The following PLA2G4B variants were observed in gnomAD, a reference collection of about 807,000 sequenced individuals.
The protein encoded by PLA2G4B is phospholipase A2 group IVB, also known as cytosolic phospholipase A2 beta.
PLA2G4B carries 122 observed loss-of-function variants against 95.8 expected under a neutral mutation model. That is an observed-to-expected ratio of 1.27 (90% CI 1.10 to 1.48). PLA2G4B has a LOEUF of 1.48. Ranked by LOEUF, PLA2G4B falls within the 40% of genes most tolerant of loss-of-function variation. The pLI, the probability that PLA2G4B is intolerant of heterozygous loss-of-function variation, is 0.00. For synonymous variants in PLA2G4B, 518 were observed against 421.5 expected (o/e 1.23, Z -2.80); for missense variants, 1,158 against 996.2 (o/e 1.16, Z -2.19).
At chr15:41,845,515 C>G (rs1439964310) in intron 14 of PLA2G4B, 123 bp from the exon 15 acceptor site, 1 of 1,509,082 alleles carries the variant, frequency 6.6e-7, no homozygotes, top group Non-Finnish European at 8.8e-7. Flanking sequence ...ATGCACGAAG[C>G]CCAGGCCACA....
rs1428465782 is a variant in PLA2G4B, at chr15:41,840,895, T to G, written c.341T>G (p.Leu114Arg). The part of the protein sequence containing the change: ...AGEFRRESFS[L>R]SPQGEGRLEV... ...GAGTTCCGGCGCGAGAGCTTCTCAC[T>G]GAGCCCTCAGGCAAGGCGGTGTTTC... The change falls in exon 4 of 20, where the codon CTG becomes CGG. Residue 114 changes from leucine (L) to arginine (R), a missense_variant. Physicochemically the swap from Leu to Arg is moderately radical, Grantham distance 102 (BLOSUM62 -2). Coordinates refer to ENST00000458483, the MANE Select transcript of PLA2G4B (RefSeq NM_001114633.2). 2 of 1,613,152 alleles carry G rather than the reference T, an allele frequency of 1.2e-6. No individual in the cohort carries two copies. The highest frequency in any genetic ancestry group is 1.7e-5 in the Admixed American group (1 of 59,982).
intron 1 of PLA2G4B, chr15:41,839,767 A>G (rs57498313): frequency 0.21 from 42,953 of 202,282 alleles, 5,220 homozygotes; most frequent in African/African-American, 0.33. Flanking sequence ...AGGTGGAAGC[A>G]GGTCTGTGTG....
At position 41,844,501 on chromosome 15, in the gene PLA2G4B, G is replaced by T; in HGVS notation, c.910G>T (p.Gly304Cys). The T allele has an allele frequency of 6.2e-7, 1 of 1,614,164 alleles. No homozygotes were observed. The highest frequency in any genetic ancestry group is 8.5e-7 in the Non-Finnish European group (1 of 1,180,026). The change falls in exon 12 of 20, where the codon GGT (glycine) becomes TGT (cysteine). Residue 304 changes from glycine to cysteine, a missense_variant. By Grantham distance (159) the Gly-to-Cys change is radical. Coordinates refer to ENST00000458483, the MANE Select transcript of PLA2G4B (RefSeq NM_001114633.2). The stretch of plus-strand genomic sequence containing the variant: ...AGTGGTAGCTATTATGGCCACTGGT[G>T]GTGGGATCCGGGCAATGACTTCCCT... ...IPVVAIMATG[G>C]GIRAMTSLYG...
chr15:41,845,594 C>T (rs762445175), intron 14 of PLA2G4B, 44 bp from the exon 15 acceptor site: 3 of 1,611,356 alleles, frequency 1.9e-6, no homozygotes, highest in Non-Finnish European at 2.5e-6. Context: ...GTGTGGGTGC[C>T]TAAGGGCTCT....
chr15:41,848,027 G>C lies in PLA2G4B; in HGVS notation c.*167G>C. On this transcript the variant is annotated 3_prime_UTR_variant, in exon 20 of 20. Transcript: ENST00000458483. ...CTTGCGCCTCAGCAGTTTGCAGTGG[G>C]GTAAGGAGGCCAAGCCCATTTGTGT... The C allele has an allele frequency of 1.1e-6, 1 of 933,704 alleles. No homozygotes were observed. The highest frequency in any genetic ancestry group is 1.6e-6 in the Non-Finnish European group (1 of 639,938). 57.8% of individuals were successfully genotyped at this position (933,704 alleles called of 1,614,324 possible). A position where few individuals can be genotyped will look rare whatever the true frequency, so the allele number is the denominator to read the frequency against.
chr15:41,843,525 GGT>G, intron 10 of PLA2G4B, 149 bp from the exon 11 acceptor site: 1 of 1,379,086 alleles, frequency 7.3e-7, no homozygotes, highest in Non-Finnish European at 9.8e-7. Flanking sequence ...ACTCTCCCCA[GGT>G]GTCAAACTTC....
chr15:41,842,024 C>G (rs1202476338), intron 8 of PLA2G4B, 75 bp downstream of exon 8: 6 of 1,566,742 alleles, frequency 3.8e-6, no homozygotes, highest in Non-Finnish European at 5.2e-6. Context: ...CCAGTCTGAC[C>G]TCTGCTCCAC....
Position 41,847,223 on chromosome 15 carries a change from C to G in PLA2G4B, c.1948-114C>G, listed in dbSNP as rs913858126. ...TTCCAACGACTGGCTTCATAGGCCC[C>G]ACTGGAGACCGTTTTGGCATTTGAG... On this transcript the variant is annotated intron_variant, in intron 18 of 19. Transcript: ENST00000458483. 3.4e-6 allele frequency: 5 copies of G among 1,457,876 alleles called. No homozygotes were observed. In the Admixed American group the frequency reaches 9.1e-5, roughly 27 times the overall value. The allele number at this position is 1,457,876 out of a possible 1,614,324, so 90.3% of individuals were successfully genotyped here. A position where few individuals can be genotyped will look rare whatever the true frequency, so the allele number is the denominator to read the frequency against.
rs910105963 is a variant in PLA2G4B, at chr15:41,840,588, A to G, written c.147A>G (p.Thr49=). 6.2e-7 allele frequency: 1 copy of G among 1,613,982 alleles called. No individual in the cohort carries two copies. The highest frequency in any genetic ancestry group is 1.3e-5 in the African/African-American group (1 of 75,040). The change falls in exon 3 of 20, where the codon ACA becomes ACG. Residue 49 remains threonine, a synonymous_variant. Coordinates refer to ENST00000458483, the MANE Select transcript of PLA2G4B (RefSeq NM_001114633.2). ...CGGCCTGCAGCCACAGGCTCCAGAC[A>G]CGCACGGTCAAGAACAGCAGTAGCC... ...LPTACSHRLQ[T]RTVKNSSSPV...
rs578081633 is a variant in PLA2G4B, at chr15:41,847,750, G to A, written c.2236G>A (p.Val746Met). 11 of 1,613,712 alleles carry A rather than the reference G, an allele frequency of 6.8e-6. No homozygotes were observed. Among genetic ancestry groups the A allele is most frequent in the Admixed American group, 6.7e-5 (4 of 60,028 alleles). Residue 746 changes from valine to methionine, a missense_variant, in exon 20 of 20, where the codon GTG (valine) becomes ATG (methionine). Physicochemically the swap from Val to Met is conservative, Grantham distance 21. Transcript: ENST00000458483. Reference protein sequence around the residue: ...YTKVTYSQEDVDKLLHLTHYN... With the variant: ...YTKVTYSQEDMDKLLHLTHYN... ...GAAGGTGACCTACAGCCAGGAGGAC[G>A]TGGACAAGCTGCTGCACCTGACACA...
At chr15:41,842,616 G>A (rs1264919776) in intron 10 of PLA2G4B, 25 bp downstream of exon 10, 1 of 1,606,690 alleles carries the variant, frequency 6.2e-7, no homozygotes, top group East Asian at 2.2e-5. Context: ...TGGGGACTGG[G>A]CAAGGCCCTG....
rs1595429492 is a variant in PLA2G4B, at chr15:41,847,910, A to AGTT, written c.*52_*54dup. ...ACTCTCATTCATTCCCTGGCTGCTGAGTTGCAGGTGGGAACTGTCATCACG... is the reference window on the plus strand; with the variant it reads ...ACTCTCATTCATTCCCTGGCTGCTGAGTTGTTGCAGGTGGGAACTGTCATCACG... On this transcript the variant is annotated 3_prime_UTR_variant, in exon 20 of 20. Transcript: ENST00000458483. 4 of 1,569,692 alleles carry AGTT rather than the reference A, an allele frequency of 2.5e-6. No homozygotes were observed. The highest frequency in any genetic ancestry group is 4.6e-5 in the East Asian group (2 of 43,160).
rs1365775826 is a variant in PLA2G4B at position 41,847,912 on chromosome 15, T to C, written c.*52T>C. 2 of 1,566,988 alleles carry C rather than the reference T, an allele frequency of 1.3e-6. No homozygotes were observed. The highest frequency in any genetic ancestry group is 1.7e-6 in the Non-Finnish European group (2 of 1,161,076). ...TCTCATTCATTCCCTGGCTGCTGAG[T>C]TGCAGGTGGGAACTGTCATCACGCA... On this transcript the variant is annotated 3_prime_UTR_variant, in exon 20 of 20. Coordinates refer to ENST00000458483, the MANE Select transcript of PLA2G4B (RefSeq NM_001114633.2).
intron 10 of PLA2G4B, chr15:41,842,852 C>T (rs370935146): frequency 4.0e-5 from 19 of 471,730 alleles, no homozygotes; most frequent in South Asian, 2.8e-4. Context: ...GGCTGGAAAA[C>T]GCAGGGAGGC....
chr15:41,841,458 G>T (rs2140889667), intron 6 of PLA2G4B, 59 bp from the exon 7 acceptor site: 2 of 1,613,116 alleles, frequency 1.2e-6, no homozygotes, highest in East Asian at 4.5e-5. Flanking sequence ...GTGCTGCGAG[G>T]GTGGGGTCCC....
chr15:41,839,103 C>T (rs1358862617), intron 1 of PLA2G4B, 181 bp downstream of exon 1: 4 of 505,262 alleles, frequency 7.9e-6, no homozygotes, highest in African/African-American at 2.0e-5. Context: ...ATGAGGGATC[C>T]GTCCTGAGTG....
In PLA2G4B at chr15:41,843,948, G is replaced by A. The variant is rs79322941; in HGVS notation, c.879+137G>A. 2.3e-3 allele frequency: 3,301 copies of A among 1,425,190 alleles called. 59 individuals are homozygous for A. In the African/African-American group the frequency reaches 0.043, roughly 19 times the overall value. 88.3% of individuals were successfully genotyped at this position (1,425,190 alleles called of 1,614,324 possible). A position where few individuals can be genotyped will look rare whatever the true frequency, so the allele number is the denominator to read the frequency against. ...TCCCCACCCTGCTTCCTCTCACCTG[G>A]TGTTAGCAGGGACTTGGTACAGGCA... On this transcript the variant is annotated intron_variant, in intron 11 of 19. Transcript: ENST00000458483.
intron 11 of PLA2G4B, 101 bp from the exon 12 acceptor site, chr15:41,844,370 G>T: frequency 1.3e-6 from 2 of 1,582,010 alleles, no homozygotes; most frequent in South Asian, 1.2e-5. Context: ...TCAGGCCTTA[G>T]CTGTGGGCTG....
chr15:41,840,953 T>C (rs769401938), intron 4 of PLA2G4B, 48 bp downstream of exon 4: 2 of 1,598,750 alleles, frequency 1.3e-6, no homozygotes, highest in South Asian at 1.1e-5. Flanking sequence ...TGGGTTGAAA[T>C]CTCCACGCGC....
Sources: gnomAD v4.1 joint callset for allele counts on GRCh38, gnomAD v4.1.1 for gene constraint, MANE v1.5 for transcripts, NCBI Gene and HGNC (gene_info 2026-07-23, HGNC 2026-07-21) for gene names.